Variants in YEATS2 observed in about 807,000 individuals in gnomAD.
YEATS2 encodes YEATS domain-containing protein 2.
In YEATS2, 77 loss-of-function variants were observed where a neutral mutation model predicts 163.2. The observed-to-expected ratio is 0.47, with a 90% CI of 0.39 to 0.57. YEATS2 has a LOEUF of 0.57. Among genes scored for constraint, YEATS2 ranks in the 20% least tolerant of loss-of-function variants. The probability of loss-of-function intolerance (pLI) is 0.00; values close to 1 mark genes in which losing one functional copy is unlikely to be tolerated. For synonymous variants in YEATS2, 631 were observed against 645.1 expected, an observed-to-expected ratio of 0.98 and a Z score of 0.33; for missense variants, 1,549 against 1,729.8, an observed-to-expected ratio of 0.90 and a Z score of 1.85.
chr3:183,766,261 G>T (rs540913531), intron 15 of YEATS2, among the ~76,000 whole-genome samples: 27 of 152,330 alleles, frequency 1.8e-4, no homozygotes, highest in Admixed American at 6.5e-5. Flanking sequence ...AGAAGAATTA[G>T]AGATTGTATA....
intron 3 of YEATS2, 81 bp from the exon 4 acceptor site, chr3:183,718,419 C>A: frequency 3.0e-6 from 3 of 997,712 alleles, no homozygotes; most frequent in Non-Finnish European, 2.9e-6. Context: ...CACTCATTCA[C>A]GTTTCTTATT....
At chr3:183,742,208 A>G (rs1719049027) in intron 8 of YEATS2, among the ~76,000 whole-genome samples, 1 of 152,112 alleles carries the variant, frequency 6.6e-6, no homozygotes, top group Admixed American at 6.6e-5. Flanking sequence ...AGCAAGCCCC[A>G]TGTCAAAAAA....
intron 1 of YEATS2, among the ~76,000 whole-genome samples, chr3:183,710,335 T>C (rs919736187): frequency 3.9e-5 from 6 of 152,244 alleles, no homozygotes; most frequent in South Asian, 2.1e-4. Flanking sequence ...TGTTCACTTA[T>C]TTATTATATC....
intron 9 of YEATS2, among the ~76,000 whole-genome samples, chr3:183,747,986 C>T (rs189379078): frequency 1.9e-4 from 28 of 151,158 alleles, no homozygotes; most frequent in African/African-American, 6.1e-4. Context: ...CACAGGTGTG[C>T]GCCACTGCAC....
At chr3:183,766,327 A>G (rs1721904162) in intron 15 of YEATS2, among the ~76,000 whole-genome samples, 1 of 152,248 alleles carries the variant, frequency 6.6e-6, no homozygotes, top group South Asian at 2.1e-4. Context: ...TAATGTGAGT[A>G]TCAGGCATAT....
intron 27 of YEATS2, among the ~76,000 whole-genome samples, chr3:183,805,349 A>G (rs1243285102): frequency 4.0e-5 from 6 of 149,608 alleles, no homozygotes; most frequent in African/African-American, 1.5e-4. Flanking sequence ...GCAGTAAGCC[A>G]TGAGCACACC....
intron 8 of YEATS2, among the ~76,000 whole-genome samples, 198 bp from the exon 9 acceptor site, chr3:183,747,474 A>T (rs774541745): frequency 2.0e-5 from 3 of 152,090 alleles, no homozygotes; most frequent in Non-Finnish European, 4.4e-5. Context: ...TATTAAAAAT[A>T]TAGTAACTAT....
At chr3:183,745,712 A>G (rs142316590) in intron 8 of YEATS2, among the ~76,000 whole-genome samples, 42 of 152,322 alleles carry the variant, frequency 2.8e-4, no homozygotes, top group African/African-American at 9.4e-4. Context: ...TCTGACAGGT[A>G]GTCATTTACT....
intron 15 of YEATS2, among the ~76,000 whole-genome samples, chr3:183,763,500 T>C (rs1721591026): frequency 6.6e-6 from 1 of 152,230 alleles, no homozygotes; most frequent in Admixed American, 6.5e-5. Context: ...CATGCTTGTA[T>C]TTCTACATTT....
At chr3:183,718,707 G>GTT (rs926533264) in intron 4 of YEATS2, 115 bp downstream of exon 4, 9 of 905,700 alleles carry the variant, frequency 9.9e-6, no homozygotes, top group Non-Finnish European at 1.3e-5. Context: ...TTGTTTTTTG[G>GTT]TTTTTTTTTG....
chr3:183,790,121 A>T (rs1724468530), intron 20 of YEATS2, among the ~76,000 whole-genome samples: 1 of 152,206 alleles, frequency 6.6e-6, no homozygotes, highest in African/African-American at 2.4e-5. Flanking sequence ...CTCTGCCAGG[A>T]AACACTGTCA....
chr3:183,768,359 A>G (rs1722120319), intron 15 of YEATS2, among the ~76,000 whole-genome samples: 1 of 152,226 alleles, frequency 6.6e-6, no homozygotes, highest in Non-Finnish European at 1.5e-5. Flanking sequence ...CGTTAGCCAG[A>G]AAGCAAATGG....
intron 1 of YEATS2, among the ~76,000 whole-genome samples, chr3:183,707,390 G>C (rs1400203778): frequency 7.9e-5 from 12 of 152,176 alleles, no homozygotes; most frequent in African/African-American, 2.9e-4. Context: ...GTTGTTGCCT[G>C]CATCAAGAGT....
chr3:183,798,055 A>C lies in YEATS2; in HGVS notation c.3226+4A>C. Reference sequence around the variant, plus strand: ...ATCCTGATGCCTGTGAATAAAGGTGAGTCCCTTGCCCACGGGTCGTCTGTG... The same window carrying C: ...ATCCTGATGCCTGTGAATAAAGGTGCGTCCCTTGCCCACGGGTCGTCTGTG... On this transcript the variant is annotated splice_donor_region_variant and intron_variant, in intron 22 of 30. Transcript: ENST00000305135. 1 of 1,613,408 alleles carries C rather than the reference A, an allele frequency of 6.2e-7. No homozygotes were observed. Among genetic ancestry groups the C allele is most frequent in the Non-Finnish European group, 8.5e-7 (1 of 1,179,810 alleles).
intron 24 of YEATS2, 89 bp from the exon 25 acceptor site, chr3:183,801,366 A>G: frequency 1.2e-6 from 1 of 834,146 alleles, no homozygotes; most frequent in Non-Finnish European, 1.8e-6. Context: ...AGAACGGAAT[A>G]TATCCATTAA....
chr3:183,769,999 T>G lies in YEATS2; in HGVS notation c.1948-2306T>G, dbSNP rs1009340029. ...CATACCCAGCCAAGGGACTGTTTTC[T>G]TTATATCAGCTATATTATCCAACTG... is the stretch of plus-strand genomic sequence containing the variant. On this transcript the variant is annotated intron_variant, in intron 15 of 30. Transcript: ENST00000305135. Among the ~76,000 whole-genome samples the G allele has an allele frequency of 4.6e-5, 7 of 151,928 alleles. No homozygotes were observed. The East Asian group carries it at 1.4e-3, about 29-fold the overall frequency.
chr3:183,732,721 G>A (rs907707174), intron 7 of YEATS2, among the ~76,000 whole-genome samples: 29 of 151,586 alleles, frequency 1.9e-4, no homozygotes, highest in African/African-American at 4.3e-4. Flanking sequence ...CACCACTCCC[G>A]GCTAACGTTT....
chr3:183,721,776 T>C, intron 4 of YEATS2, 115 bp from the exon 5 acceptor site: 1 of 1,390,962 alleles, frequency 7.2e-7, no homozygotes, highest in East Asian at 2.3e-5. Context: ...GTGGGGAGAT[T>C]TTGAAAGATT....
chr3:183,764,230 A>G (rs1447666099), intron 15 of YEATS2, among the ~76,000 whole-genome samples: 2 of 151,834 alleles, frequency 1.3e-5, no homozygotes, highest in African/African-American at 4.8e-5. Context: ...AATTAGGTGG[A>G]CATGGTGTCG....
Sources: allele counts gnomAD v4.1 joint callset (sites outside exome capture counted in the v4.1 genomes callset), GRCh38; gene constraint gnomAD v4.1.1; transcripts MANE v1.5; gene names NCBI Gene and HGNC (gene_info 2026-07-23, HGNC 2026-07-21).